KIF26B: variants seen among roughly 807,000 people sequenced by gnomAD.
The protein encoded by KIF26B is kinesin-like protein KIF26B.
KIF26B carries 63 observed loss-of-function variants against 151.2 expected under a neutral mutation model. The observed-to-expected ratio is 0.42, with a 90% confidence interval of 0.34 to 0.51. The LOEUF (loss-of-function observed/expected upper bound fraction) is 0.51. Ranked by LOEUF, KIF26B falls within the 20% of genes least tolerant of loss-of-function variation. The pLI, the probability that KIF26B is intolerant of heterozygous loss-of-function variation, is 0.07. For synonymous variants in KIF26B, 1,357 were observed against 1,262.1 expected (o/e 1.08, Z -1.59); for missense variants, 2,813 against 2,913.6 (o/e 0.97, Z 0.79).
rs1453816803 is a variant in KIF26B, at chr1:245,606,379, C to T, written c.1558-1272C>T. 1.3e-5 allele frequency among the ~76,000 whole-genome samples: 2 copies of T among 151,644 alleles called. No homozygotes were observed. The highest frequency in any genetic ancestry group is 2.1e-4 in the South Asian group (1 of 4,830). On this transcript the variant is annotated intron_variant, in intron 6 of 14. Transcript: ENST00000407071. The surrounding 1 kb of genome is among the most constrained non-coding windows in gnomAD (Gnocchi z 4.6). ...CACGCTGCCCCGAGGGCTGCAAAGC[C>T]CCATGTTAGCACTGCCTCCCGGAGC...
intron 9 of KIF26B, among the ~76,000 whole-genome samples, chr1:245,618,109 A>G (rs1462441091): frequency 1.3e-5 from 2 of 152,158 alleles, no homozygotes; most frequent in African/African-American, 4.8e-5. Flanking sequence ...AAGGAACCAC[A>G]ATGGCACCTT....
intron 9 of KIF26B, among the ~76,000 whole-genome samples, chr1:245,626,989 G>A (rs999881994): frequency 6.6e-6 from 1 of 152,104 alleles, no homozygotes; most frequent in African/African-American, 2.4e-5. Flanking sequence ...TAAAGGGGAT[G>A]TCCTTTCCCC....
chr1:245,610,016 G>A (rs1303829606), intron 8 of KIF26B, among the ~76,000 whole-genome samples: 1 of 152,188 alleles, frequency 6.6e-6, no homozygotes, highest in Non-Finnish European at 1.5e-5. Flanking sequence ...GAAGCCAAGA[G>A]AAGCTCCAGT....
At chr1:245,378,119 A>G (rs1349091749) in intron 3 of KIF26B, among the ~76,000 whole-genome samples, 1 of 152,198 alleles carries the variant, frequency 6.6e-6, no homozygotes, top group African/African-American at 2.4e-5. Context: ...GAGCCTAATC[A>G]GACTGCTGCT....
Position 245,417,975 on chromosome 1 carries a change from C to T in KIF26B, c.1000-1604C>T, listed in dbSNP as rs554412371. ...CAAAATCAGATGTATGTCTTAGATTCTTGGGGGAAAAAAAAAGTTGTCGCA... is the reference window on the plus strand; with the variant it reads ...CAAAATCAGATGTATGTCTTAGATTTTTGGGGGAAAAAAAAAGTTGTCGCA... On this transcript the variant is annotated intron_variant, in intron 3 of 14. Transcript: ENST00000407071. Among the ~76,000 whole-genome samples, 129 of 89,796 alleles carry T rather than the reference C, an allele frequency of 1.4e-3. 4 individuals carry two copies. The South Asian group carries it at 0.042, about 29-fold the overall frequency. The allele number at this position is 89,796 out of a possible 152,430, so 58.9% of individuals were successfully genotyped here.
At chr1:245,304,423 T>C (rs1671498227) in intron 2 of KIF26B, among the ~76,000 whole-genome samples, 3 of 152,216 alleles carry the variant, frequency 2.0e-5, no homozygotes, top group Admixed American at 6.5e-5. Context: ...CAGGAAGGCA[T>C]GTCTGACCAA....
intron 10 of KIF26B, among the ~76,000 whole-genome samples, chr1:245,678,038 C>G (rs1430880043): frequency 6.6e-6 from 1 of 152,216 alleles, no homozygotes; most frequent in Non-Finnish European, 1.5e-5. Flanking sequence ...CCTGGCATCT[C>G]AGGCTGGTCT....
intron 10 of KIF26B, among the ~76,000 whole-genome samples, chr1:245,652,618 C>T (rs1034912082): frequency 4.6e-5 from 7 of 152,122 alleles, no homozygotes; most frequent in Non-Finnish European, 5.9e-5. Context: ...ATTATAGAAC[C>T]ACGCCAGTCA....
chr1:245,444,488 G>T (rs1368926000), intron 4 of KIF26B, among the ~76,000 whole-genome samples: 1 of 152,250 alleles, frequency 6.6e-6, no homozygotes, highest in Admixed American at 6.5e-5. Context: ...GAAAAGAGCC[G>T]CAAGATTAAC....
At chr1:245,174,346 ATCATGGCCAGATGTGGCGTGGTG>A (rs1293558528) in intron 2 of KIF26B, among the ~76,000 whole-genome samples, 6 of 152,264 alleles carry the variant, frequency 3.9e-5, no homozygotes, top group Admixed American at 3.3e-4. Context: ...TTTAAGGAGT[ATCATGGCCAGATGTGGCGTGGTG>A]TCTCTTAAAT....
chr1:245,562,708 G>A (rs2042968935), intron 5 of KIF26B, among the ~76,000 whole-genome samples: 1 of 150,292 alleles, frequency 6.7e-6, no homozygotes, highest in African/African-American at 2.4e-5. Context: ...AAAAATCATT[G>A]CCCTTTTTTT....
intron 2 of KIF26B, among the ~76,000 whole-genome samples, chr1:245,221,463 A>G (rs1669767378): frequency 6.6e-6 from 1 of 151,010 alleles, no homozygotes; most frequent in South Asian, 2.1e-4. Flanking sequence ...GCTGGAGTGC[A>G]ATGGCATGAT....
chr1:245,465,047 C>T lies in KIF26B; in HGVS notation c.1166+45302C>T, dbSNP rs562679820. Among the ~76,000 whole-genome samples, 120 of 143,094 alleles carry T rather than the reference C, an allele frequency of 8.4e-4. 2 individuals carry two copies. Among genetic ancestry groups the T allele is most frequent in the Admixed American group, 1.6e-3 (23 of 14,448 alleles). The allele number at this position is 143,094 out of a possible 152,430, so 93.9% of individuals were successfully genotyped here. A position where few individuals can be genotyped will look rare whatever the true frequency, so the allele number is the denominator to read the frequency against. On this transcript the variant is annotated intron_variant, in intron 4 of 14. Transcript: ENST00000407071. Reference sequence around the variant, plus strand: ...AGGCTGGAGTGCAGGGGCGCGATCTCGGCTCACTGCAAGCTCCGCCTCCCG... The same window carrying T: ...AGGCTGGAGTGCAGGGGCGCGATCTTGGCTCACTGCAAGCTCCGCCTCCCG...
chr1:245,662,666 T>C (rs60854087), intron 10 of KIF26B, among the ~76,000 whole-genome samples: 58,197 of 98,420 alleles, frequency 0.59, 17,546 homozygotes, highest in East Asian at 0.76. Context: ...TACATACATA[T>C]ACCCAATGAT....
intron 4 of KIF26B, chr1:245,511,124 G>A (rs1289340259): frequency 1.4e-6 from 1 of 717,408 alleles, no homozygotes; most frequent in South Asian, 1.5e-5. Context: ...GGATTGGAAA[G>A]CAGTGTAAGT....
At position 245,156,555 on chromosome 1, in the gene KIF26B, TC is replaced by T; in HGVS notation, c.339del (p.Gly114AlafsTer31). 6.5e-7 allele frequency: 1 copy of T among 1,534,214 alleles called. No individual in the cohort carries two copies. Among genetic ancestry groups the T allele is most frequent in the Non-Finnish European group, 8.7e-7 (1 of 1,146,676 alleles). On this transcript the variant is annotated frameshift_variant, in exon 2 of 15. Transcript: ENST00000407071. LOFTEE classifies it high-confidence loss of function. ...GGGCTTCGGCACAGGCTCCCCGGGCTCCGGCAGCGGCGGCGGCTCCTCCCCC... is the reference window on the plus strand; with the variant it reads ...GGGCTTCGGCACAGGCTCCCCGGGCTCGGCAGCGGCGGCGGCTCCTCCCCC... ...SPGFGTGSPGSGSGGGSSPGS... is the reference protein window; with the variant it reads ...SPGFGTGSPGXGSGGGSSPGS...
intron 2 of KIF26B, among the ~76,000 whole-genome samples, chr1:245,293,860 G>A (rs1255311185): frequency 1.3e-5 from 2 of 152,188 alleles, no homozygotes; most frequent in African/African-American, 4.8e-5. Flanking sequence ...TTACAGGCGT[G>A]AGCTACTGCA....
In KIF26B at chr1:245,705,625, T is replaced by C. The variant is rs963717889; in HGVS notation, c.*3019T>C. On this transcript the variant is annotated 3_prime_UTR_variant, in exon 15 of 15. Transcript: ENST00000407071. ...TATTTGAAATTAACATTTAGATGCATAGGTCTAACTCCTTGTGTGAACCTG... is the reference window on the plus strand; with the variant it reads ...TATTTGAAATTAACATTTAGATGCACAGGTCTAACTCCTTGTGTGAACCTG... 1.3e-5 allele frequency: 2 copies of C among 152,206 alleles called. No homozygotes were observed. Among genetic ancestry groups the C allele is most frequent in the African/African-American group, 4.8e-5 (2 of 41,454 alleles). The allele number at this position is 152,206 out of a possible 1,614,324, so 9.4% of individuals were successfully genotyped here.
At chr1:245,470,469 C>A (rs935063765) in intron 4 of KIF26B, among the ~76,000 whole-genome samples, 1 of 150,938 alleles carries the variant, frequency 6.6e-6, no homozygotes, top group South Asian at 2.1e-4. Context: ...CTCACTCTGT[C>A]GCCCAGGCTG....
Sources: gnomAD v4.1 joint callset for allele counts (sites outside exome capture counted in the v4.1 genomes callset) on GRCh38, gnomAD v4.1.1 for gene constraint, Gnocchi (gnomAD v3.1) non-coding constraint, MANE v1.5 for transcripts, NCBI Gene and HGNC (gene_info 2026-07-23, HGNC 2026-07-21) for gene names.